SEZ6L: variants seen among roughly 807,000 people sequenced by gnomAD.
SEZ6L encodes the protein seizure related 6 homolog like.
In SEZ6L, 37 loss-of-function variants were observed where a neutral mutation model predicts 106.2. That is an observed-to-expected ratio of 0.35 (90% confidence interval 0.27 to 0.46). The LOEUF is 0.46. Ranked by LOEUF, SEZ6L falls within the 20% of genes least tolerant of loss-of-function variation. The pLI is 1.00. For missense variants in SEZ6L, 1,172 were observed against 1,332.8 expected (o/e 0.88, Z 1.88); for synonymous variants, 541 against 570.4 (o/e 0.95, Z 0.73).
intron 9 of SEZ6L, among the ~76,000 whole-genome samples, chr22:26,337,046 A>G (rs2082667802): frequency 6.6e-6 from 1 of 152,080 alleles, no homozygotes; most frequent in South Asian, 2.1e-4. Flanking sequence ...CCAGGTGCTA[A>G]TGCTGAAGCT....
At chr22:26,374,252 A>G (rs2084140721) in intron 14 of SEZ6L, among the ~76,000 whole-genome samples, 1 of 146,414 alleles carries the variant, frequency 6.8e-6, no homozygotes, top group African/African-American at 2.5e-5. Context: ...ATATACTGTA[A>G]TATATTGTTT....
Position 26,382,871 on chromosome 22 carries a change from T to C in SEZ6L, c.*2576T>C, listed in dbSNP as rs1398253878. ...GATACACTCTTGAGAAACTCGAGAA[T>C]GGACTGAGCCTTCCTACAAGCCACT... On this transcript the variant is annotated 3_prime_UTR_variant, in exon 17 of 17. Transcript: ENST00000248933. 6.6e-6 allele frequency: 1 copy of C among 152,180 alleles called. No homozygotes were observed. The highest frequency in any genetic ancestry group is 2.4e-5 in the African/African-American group (1 of 41,444). The allele number at this position is 152,180 out of a possible 1,614,324, so 9.4% of individuals were successfully genotyped here.
intron 12 of SEZ6L, among the ~76,000 whole-genome samples, chr22:26,355,635 C>G (rs1403380577): frequency 6.6e-6 from 1 of 152,198 alleles, no homozygotes; most frequent in Non-Finnish European, 1.5e-5. Flanking sequence ...GAGGCCGAGG[C>G]AGGAAAATCA....
chr22:26,223,792 G>T (rs1376340087), intron 1 of SEZ6L, among the ~76,000 whole-genome samples: 1 of 152,120 alleles, frequency 6.6e-6, no homozygotes. Flanking sequence ...TTATCATCAT[G>T]GTCATTGTCA....
chr22:26,334,444 G>A (rs371858092), intron 9 of SEZ6L, among the ~76,000 whole-genome samples: 5 of 152,172 alleles, frequency 3.3e-5, no homozygotes, highest in African/African-American at 1.2e-4. Flanking sequence ...CCTGTGCTGC[G>A]GCGTGGGCCA....
chr22:26,223,301 CA>C (rs2078534520), intron 1 of SEZ6L, among the ~76,000 whole-genome samples: 1 of 152,138 alleles, frequency 6.6e-6, no homozygotes, highest in African/African-American at 2.4e-5. Context: ...ACTCCAAGTC[CA>C]GGTAGGTCTC....
At chr22:26,304,870 A>C (rs978000411) in intron 5 of SEZ6L, among the ~76,000 whole-genome samples, 9 of 152,196 alleles carry the variant, frequency 5.9e-5, no homozygotes, top group Non-Finnish European at 1.3e-4. Context: ...GTTATGCATC[A>C]CTTAACAATG....
intron 1 of SEZ6L, among the ~76,000 whole-genome samples, chr22:26,221,258 G>C (rs1015369086): frequency 4.6e-5 from 7 of 152,094 alleles, no homozygotes; most frequent in African/African-American, 1.7e-4. Flanking sequence ...AGCCCACAGA[G>C]ACTGGTCTTT....
At chr22:26,297,427 T>C (rs1038965587) in intron 4 of SEZ6L, among the ~76,000 whole-genome samples, 1 of 152,242 alleles carries the variant, frequency 6.6e-6, no homozygotes, top group African/African-American at 2.4e-5. Context: ...CATTATGATA[T>C]GAAAAATATC....
At chr22:26,364,650 T>C (rs1264608431) in intron 12 of SEZ6L, 2 of 152,358 alleles carry the variant, frequency 1.3e-5, no homozygotes, top group African/African-American at 4.8e-5. Context: ...TTTGTAATAG[T>C]TGAGGCCTTT....
intron 1 of SEZ6L, among the ~76,000 whole-genome samples, chr22:26,200,424 G>A (rs1256730720): frequency 6.6e-6 from 1 of 152,180 alleles, no homozygotes; most frequent in Non-Finnish European, 1.5e-5. Flanking sequence ...TGCACAGGCT[G>A]ACAGCAAGTC....
chr22:26,380,225 C>A, intron 16 of SEZ6L, 41 bp from the exon 17 acceptor site: 1 of 1,607,988 alleles, frequency 6.2e-7, no homozygotes, highest in Non-Finnish European at 8.5e-7. Context: ...ATCACTCTAC[C>A]ACACAAGCGT....
At chr22:26,349,292 T>C (rs1325592296) in intron 11 of SEZ6L, among the ~76,000 whole-genome samples, 1 of 152,206 alleles carries the variant, frequency 6.6e-6, no homozygotes, top group African/African-American at 2.4e-5. Context: ...TTCATTAACC[T>C]TTCATTGGTT....
chr22:26,339,812 C>A (rs1003394193), intron 9 of SEZ6L, among the ~76,000 whole-genome samples: 2 of 152,204 alleles, frequency 1.3e-5, no homozygotes, highest in Non-Finnish European at 2.9e-5. Context: ...TGGTGCCTAA[C>A]ACAGAGATGT....
Position 26,373,456 on chromosome 22 carries a change from C to G in SEZ6L, c.2800C>G (p.Gln934Glu). 1 of 1,592,304 alleles carries G rather than the reference C, an allele frequency of 6.3e-7. No individual in the cohort carries two copies. Among genetic ancestry groups the G allele is most frequent in the Non-Finnish European group, 8.5e-7 (1 of 1,171,456 alleles). The change falls in exon 14 of 17, where the codon CAA (glutamine) becomes GAA (glutamate). Residue 934 changes from glutamine to glutamate, a missense_variant. Coordinates refer to ENST00000248933, the MANE Select transcript of SEZ6L (RefSeq NM_021115.5). ...CTTCCTGATTTCTCTTTCAGTTAAT[C>G]AAGACAGTTTTGAACATGCTTTAGA... Reference protein sequence around the residue: ...NGPLPVCKVNQDSFEHALEVA... With the variant: ...NGPLPVCKVNEDSFEHALEVA...
At chr22:26,316,586 C>T (rs908794151) in intron 9 of SEZ6L, among the ~76,000 whole-genome samples, 2 of 152,082 alleles carry the variant, frequency 1.3e-5, no homozygotes, top group Non-Finnish European at 2.9e-5. Context: ...AATCCCAGCA[C>T]TTTGGGAGGC....
intron 1 of SEZ6L, among the ~76,000 whole-genome samples, chr22:26,263,123 C>T (rs769414855): frequency 6.6e-6 from 1 of 152,144 alleles, no homozygotes; most frequent in African/African-American, 2.4e-5. Flanking sequence ...CATGGTCTAC[C>T]GGGTGCCACA....
Position 26,171,261 on chromosome 22 carries a change from G to T in SEZ6L, c.94+1498G>T, listed in dbSNP as rs181406485. On this transcript the variant is annotated intron_variant, in intron 1 of 16. Coordinates refer to ENST00000248933, the MANE Select transcript of SEZ6L (RefSeq NM_021115.5). ...CTGGACAGTTTCTCTGGGAAAGATAGGGAAAGAGATTTGGTTTAAACAAAT... is the reference window on the plus strand; with the variant it reads ...CTGGACAGTTTCTCTGGGAAAGATATGGAAAGAGATTTGGTTTAAACAAAT... Among the ~76,000 whole-genome samples the T allele has an allele frequency of 2.6e-5, 4 of 152,258 alleles. No homozygotes were observed. The East Asian group carries it at 7.7e-4, about 29-fold the overall frequency.
At chr22:26,330,229 G>A (rs374208045) in intron 9 of SEZ6L, among the ~76,000 whole-genome samples, 4 of 152,324 alleles carry the variant, frequency 2.6e-5, no homozygotes, top group African/African-American at 9.6e-5. Context: ...GTCTTCCAAC[G>A]ACGTCTGTTT....
Sources: allele counts gnomAD v4.1 joint callset (sites outside exome capture counted in the v4.1 genomes callset), GRCh38; gene constraint gnomAD v4.1.1; transcripts MANE v1.5; gene names NCBI Gene and HGNC (gene_info 2026-07-23, HGNC 2026-07-21).